The following SLC38A8 variants were observed in gnomAD, a reference collection of about 807,000 sequenced individuals.
SLC38A8 encodes amino acid transporter SLC38A8.
In SLC38A8, 65 loss-of-function variants were observed where a neutral mutation model predicts 46.0. That is an observed-to-expected ratio of 1.41 (90% confidence interval 1.16 to 1.74). SLC38A8 has a LOEUF of 1.74. Among genes scored for constraint, SLC38A8 ranks in the 40% most tolerant of loss-of-function variants. The pLI, the probability that SLC38A8 is intolerant of heterozygous loss-of-function variation, is 0.00. For missense variants in SLC38A8, 998 were observed against 567.9 expected (o/e 1.76, Z -7.70); for synonymous variants, 447 against 243.7 (o/e 1.83, Z -7.77).
At chr16:84,033,252 C>G in intron 4 of SLC38A8, 76 bp downstream of exon 4, 1 of 1,600,166 alleles carries the variant, frequency 6.2e-7, no homozygotes, top group Non-Finnish European at 8.5e-7. Flanking sequence ...GCTCCTCTGA[C>G]CCCAGATGGA....
intron 10 of SLC38A8, 48 bp downstream of exon 10, chr16:84,012,953 C>A: frequency 6.2e-7 from 1 of 1,600,624 alleles, no homozygotes; most frequent in Non-Finnish European, 8.5e-7. Context: ...CATTCTTACT[C>A]TGATCCGGGG....
intron 9 of SLC38A8, among the ~76,000 whole-genome samples, chr16:84,015,384 G>C (rs376164101): frequency 6.6e-6 from 1 of 152,050 alleles, no homozygotes; most frequent in Admixed American, 6.5e-5. Context: ...TCGCAGAAAC[G>C]GTGTTTGCCT....
At chr16:84,022,650 A>G in intron 7 of SLC38A8, 125 bp downstream of exon 7, 2 of 717,552 alleles carry the variant, frequency 2.8e-6, no homozygotes, top group Admixed American at 5.6e-5. Context: ...AGGATTAAAT[A>G]AGATGCTCAA....
At chr16:84,015,230 G>C (rs2085011127) in intron 9 of SLC38A8, among the ~76,000 whole-genome samples, 1 of 152,096 alleles carries the variant, frequency 6.6e-6, no homozygotes, top group African/African-American at 2.4e-5. Context: ...CTGCGGATCT[G>C]GAGTCTCTGT....
chr16:84,025,997 A>T (rs1165260892), intron 6 of SLC38A8, among the ~76,000 whole-genome samples: 1 of 152,224 alleles, frequency 6.6e-6, no homozygotes, highest in East Asian at 1.9e-4. Flanking sequence ...CTAGAGCCCC[A>T]GTGCCCACAA....
intron 4 of SLC38A8, among the ~76,000 whole-genome samples, chr16:84,033,017 GGTGTGTATGTGTGGGTGTGGGTAGGTGT>G (rs2085262872): frequency 2.7e-5 from 4 of 150,084 alleles, no homozygotes; most frequent in African/African-American, 9.8e-5. Flanking sequence ...TGGGTAGGTG[GGTGTGTATGTGTGGGTGTGGGTAGGTGT>G]GTGTTGTGGG....
chr16:84,016,832 C>A, intron 8 of SLC38A8, 105 bp from the exon 9 acceptor site: 1 of 1,261,140 alleles, frequency 7.9e-7, no homozygotes, highest in Non-Finnish European at 1.1e-6. Flanking sequence ...CCTGTCAGTG[C>A]TCCTGTTCCA....
chr16:84,022,774 C>T lies in SLC38A8; in HGVS notation c.805+1G>A, dbSNP rs1379690075. On this transcript the variant is annotated splice_donor_variant, in intron 7 of 10. Coordinates refer to ENST00000299709, the MANE Select transcript of SLC38A8 (RefSeq NM_001080442.3). LOFTEE classifies it high-confidence loss of function. ...GCAGGGGTGCCTGGGAAGGGCCTTA[C>T]CCGTCAGTGAATAGATGAGGCAGCA... The T allele has an allele frequency of 1.9e-6, 3 of 1,613,390 alleles. No individual in the cohort carries two copies.
chr16:84,011,967 T>C (rs1597246142), intron 10 of SLC38A8, among the ~76,000 whole-genome samples: 1 of 152,256 alleles, frequency 6.6e-6, no homozygotes, highest in Middle Eastern at 3.4e-3. Flanking sequence ...AGGCAGAGAC[T>C]GGAGTGATGT....
intron 7 of SLC38A8, among the ~76,000 whole-genome samples, chr16:84,019,825 G>C (rs2085074666): frequency 6.6e-6 from 1 of 152,216 alleles, no homozygotes; most frequent in Non-Finnish European, 1.5e-5. Context: ...AGGAGTAAAG[G>C]CTCTAAGCAA....
chr16:84,042,453 C>A (rs2085378579), intron 1 of SLC38A8, 98 bp downstream of exon 1: 1 of 302,618 alleles, frequency 3.3e-6, no homozygotes, highest in Non-Finnish European at 6.1e-6. Context: ...CCCCAACCTT[C>A]CTCATCCCCA....
At chr16:84,023,994 C>T (rs1004376879) in intron 6 of SLC38A8, among the ~76,000 whole-genome samples, 1 of 152,206 alleles carries the variant, frequency 6.6e-6, no homozygotes, top group Admixed American at 6.5e-5. Flanking sequence ...TCAGCCTTGA[C>T]ACGATTGATG....
chr16:84,013,857 A>G (rs2084988806), intron 9 of SLC38A8, among the ~76,000 whole-genome samples: 2 of 152,050 alleles, frequency 1.3e-5, no homozygotes, highest in South Asian at 2.1e-4. Context: ...GGAAATAGCC[A>G]GCGCTACAAC....
chr16:84,024,793 G>T (rs1192832561), intron 6 of SLC38A8, among the ~76,000 whole-genome samples: 1 of 152,082 alleles, frequency 6.6e-6, no homozygotes, highest in Non-Finnish European at 1.5e-5. Flanking sequence ...GGGCTTAAGC[G>T]ACTCTCCTGC....
chr16:84,029,598 G>C lies in SLC38A8; in HGVS notation c.633-47C>G. 1.9e-6 allele frequency: 3 copies of C among 1,582,156 alleles called. No homozygotes were observed. In the South Asian group the frequency reaches 3.4e-5, roughly 18 times the overall value. ...AGTTTATTAAAGAAGGGTCACACCC[G>C]GAACAACCTGCGGCTGCAATGGTGA... On this transcript the variant is annotated intron_variant, in intron 5 of 10. Transcript: ENST00000299709.
intron 5 of SLC38A8, among the ~76,000 whole-genome samples, chr16:84,030,451 A>G (rs2085224395): frequency 6.6e-6 from 1 of 152,030 alleles, no homozygotes; most frequent in Admixed American, 6.6e-5. Context: ...GGCCAACGTC[A>G]GCCACGTTTC....
intron 7 of SLC38A8, among the ~76,000 whole-genome samples, chr16:84,022,216 G>A (rs1207825981): frequency 2.0e-5 from 3 of 152,194 alleles, no homozygotes; most frequent in African/African-American, 4.8e-5. Context: ...GTTGGTGAAT[G>A]AAAAAAGACT....
chr16:84,015,801 G>C (rs568880151), intron 9 of SLC38A8, among the ~76,000 whole-genome samples: 1 of 152,304 alleles, frequency 6.6e-6, no homozygotes, highest in South Asian at 2.1e-4. Context: ...CGCCTCCCGG[G>C]TTCAAGTGAT....
chr16:84,027,778 G>C (rs893137721), intron 6 of SLC38A8, among the ~76,000 whole-genome samples: 3 of 152,212 alleles, frequency 2.0e-5, no homozygotes, highest in African/African-American at 7.2e-5. Flanking sequence ...AATCCGGTGA[G>C]GGCTGGAGGC....
Sources: allele counts gnomAD v4.1 joint callset (sites outside exome capture counted in the v4.1 genomes callset), GRCh38; gene constraint gnomAD v4.1.1; transcripts MANE v1.5; gene names NCBI Gene and HGNC (gene_info 2026-07-23, HGNC 2026-07-21).